The following GRID2 variants were observed in gnomAD, a reference collection of about 807,000 sequenced individuals.
The protein encoded by GRID2 is glutamate ionotropic receptor delta type subunit 2.
Under a neutral mutation model 114.8 loss-of-function variants are expected in GRID2, and 33 were observed. The ratio of observed to expected loss-of-function variants is 0.29; its 90% CI spans 0.22 to 0.38. The LOEUF (loss-of-function observed/expected upper bound fraction) is 0.38. Among genes scored for constraint, GRID2 ranks in the 10% least tolerant of loss-of-function variants. The pLI is 1.00. For missense variants in GRID2, 1,184 were observed against 1,257.7 expected, an observed-to-expected ratio of 0.94 and a Z score of 0.89; for synonymous variants, 505 against 449.9, an observed-to-expected ratio of 1.12 and a Z score of -1.55.
chr4:92,321,946 T>C (rs192052818), intron 1 of GRID2, among the ~76,000 whole-genome samples: 4 of 152,284 alleles, frequency 2.6e-5, no homozygotes, highest in South Asian at 4.1e-4. Context: ...TCATCTGTTA[T>C]ATGGATACAT....
chr4:93,503,500 G>C (rs577332463), intron 12 of GRID2, among the ~76,000 whole-genome samples: 7 of 115,166 alleles, frequency 6.1e-5, no homozygotes, highest in African/African-American at 2.4e-4. Flanking sequence ...AACAGTCCTC[G>C]GTGTGTGATG....
chr4:93,527,412 A>C (rs767192022), intron 13 of GRID2, among the ~76,000 whole-genome samples: 44 of 152,106 alleles, frequency 2.9e-4, no homozygotes, highest in Non-Finnish European at 4.6e-4. Flanking sequence ...TGTTTGGGGG[A>C]AATAAATATA....
At chr4:92,400,283 A>G (rs1333540661) in intron 1 of GRID2, among the ~76,000 whole-genome samples, 1 of 152,172 alleles carries the variant, frequency 6.6e-6, no homozygotes, top group Non-Finnish European at 1.5e-5. Flanking sequence ...TCCAGTTCCC[A>G]GAAACCACCA....
In GRID2 at chr4:93,165,747, A is replaced by T. The variant is rs1217570384; in HGVS notation, c.736-41657A>T. On this transcript the variant is annotated intron_variant, in intron 4 of 15. Coordinates refer to ENST00000282020, the MANE Select transcript of GRID2 (RefSeq NM_001510.4). ...TAACATAAATGAACATTCCATAATT[A>T]AAAGGACTCCCTTTAATTAAAAATA... Among the ~76,000 whole-genome samples, 9 of 152,222 alleles carry T rather than the reference A, an allele frequency of 5.9e-5. No individual in the cohort carries two copies. In the East Asian group the frequency reaches 1.5e-3, roughly 26 times the overall value.
chr4:92,941,711 T>G (rs1014666340), intron 2 of GRID2, among the ~76,000 whole-genome samples: 1 of 152,196 alleles, frequency 6.6e-6, no homozygotes, highest in Non-Finnish European at 1.5e-5. Context: ...CATTGAGTGC[T>G]GCAAATTTCC....
At chr4:93,593,038 G>A (rs1437129757) in intron 13 of GRID2, among the ~76,000 whole-genome samples, 1 of 151,660 alleles carries the variant, frequency 6.6e-6, no homozygotes. Flanking sequence ...CTTTTAATTG[G>A]AGAATTTAGT....
At chr4:93,093,768 A>G (rs989331046) in intron 3 of GRID2, among the ~76,000 whole-genome samples, 3 of 151,948 alleles carry the variant, frequency 2.0e-5, no homozygotes, top group Non-Finnish European at 4.4e-5. Flanking sequence ...CAGAATATTG[A>G]TACGTGCCTA....
intron 9 of GRID2, among the ~76,000 whole-genome samples, chr4:93,412,421 T>C (rs1164029241): frequency 6.6e-6 from 1 of 152,142 alleles, no homozygotes; most frequent in Non-Finnish European, 1.5e-5. Context: ...CCATCTCTGA[T>C]TGTAGCGTAT....
chr4:93,241,441 AC>A (rs1729929301), intron 8 of GRID2, among the ~76,000 whole-genome samples: 1 of 151,740 alleles, frequency 6.6e-6, no homozygotes, highest in Admixed American at 6.6e-5. Flanking sequence ...TATATTTATA[AC>A]TAACTTAGAT....
chr4:93,755,953 CT>C (rs1732711067), intron 14 of GRID2, among the ~76,000 whole-genome samples: 1 of 152,026 alleles, frequency 6.6e-6, no homozygotes, highest in East Asian at 1.9e-4. Flanking sequence ...TTAATGAAAG[CT>C]TGTATATGAA....
At chr4:93,096,931 T>G (rs1560874712) in intron 3 of GRID2, among the ~76,000 whole-genome samples, 2 of 151,992 alleles carry the variant, frequency 1.3e-5, no homozygotes, top group Non-Finnish European at 2.9e-5. Flanking sequence ...TTGAGAATGG[T>G]TAAATTAATT....
chr4:92,874,956 T>G (rs1745514576), intron 2 of GRID2, among the ~76,000 whole-genome samples: 1 of 152,128 alleles, frequency 6.6e-6, no homozygotes, highest in South Asian at 2.1e-4. Context: ...TTCACATAAT[T>G]TTTTAAACAT....
At chr4:92,993,310 A>T (rs1457470776) in intron 2 of GRID2, among the ~76,000 whole-genome samples, 1 of 151,756 alleles carries the variant, frequency 6.6e-6, no homozygotes, top group Non-Finnish European at 1.5e-5. Flanking sequence ...AAAACAAAAA[A>T]CTTTCTGTTG....
Position 93,159,519 on chromosome 4 carries a change from C to A in GRID2, c.736-47885C>A, listed in dbSNP as rs543247460. Among the ~76,000 whole-genome samples the A allele has an allele frequency of 2.0e-5, 3 of 151,696 alleles. 1 individual carries two copies. The South Asian group carries it at 6.2e-4, about 31-fold the overall frequency. ...TGAGCAATCTGCCATTTCCTGTGCA[C>A]CTAAATTTATCTCATTTATCTTTTT... On this transcript the variant is annotated intron_variant, in intron 4 of 15. Coordinates refer to ENST00000282020, the MANE Select transcript of GRID2 (RefSeq NM_001510.4).
chr4:92,455,890 G>T (rs1721190764), intron 1 of GRID2, among the ~76,000 whole-genome samples: 1 of 152,114 alleles, frequency 6.6e-6, no homozygotes. Context: ...TAATTACAGT[G>T]ATTTTTCTCT....
At chr4:92,968,242 C>T (rs1027173985) in intron 2 of GRID2, among the ~76,000 whole-genome samples, 1 of 151,806 alleles carries the variant, frequency 6.6e-6, no homozygotes, top group African/African-American at 2.4e-5. Flanking sequence ...GATACAATCT[C>T]CATTTTACAG....
chr4:92,685,896 G>C (rs1733876026), intron 2 of GRID2, among the ~76,000 whole-genome samples: 1 of 151,968 alleles, frequency 6.6e-6, no homozygotes, highest in Non-Finnish European at 1.5e-5. Context: ...AAGTGAGTAT[G>C]ATTTTGTACA....
At chr4:93,260,588 G>A (rs1275197959) in intron 8 of GRID2, among the ~76,000 whole-genome samples, 4 of 151,706 alleles carry the variant, frequency 2.6e-5, no homozygotes, top group Non-Finnish European at 5.9e-5. Flanking sequence ...ACAGCTTTAT[G>A]TTGTGACATT....
At chr4:92,690,073 T>A (rs968994297) in intron 2 of GRID2, among the ~76,000 whole-genome samples, 1 of 152,116 alleles carries the variant, frequency 6.6e-6, no homozygotes, top group Non-Finnish European at 1.5e-5. Flanking sequence ...TAAAAAAATT[T>A]TTTTAAGCTT....
Sources: allele counts gnomAD v4.1 joint callset (sites outside exome capture counted in the v4.1 genomes callset), GRCh38; gene constraint gnomAD v4.1.1; transcripts MANE v1.5; gene names NCBI Gene and HGNC (gene_info 2026-07-23, HGNC 2026-07-21).